The following ARB2A variants were observed in gnomAD, a reference collection of about 807,000 sequenced individuals.
ARB2A encodes ARB2 cotranscriptional regulator A, also known as cotranscriptional regulator ARB2A.
the ARB2A span, among the ~76,000 whole-genome samples, chr5:94,090,218 T>C: frequency 1.8e-4 from 28 of 152,206 alleles, no homozygotes; most frequent in African/African-American, 6.3e-4. Flanking sequence ...TGGTTTGTAG[T>C]TCTCCTTGAA....
chr5:93,793,726 C>T, the ARB2A span, among the ~76,000 whole-genome samples: 3 of 152,024 alleles, frequency 2.0e-5, no homozygotes, highest in African/African-American at 7.2e-5. Context: ...TCTAAGACAA[C>T]GTTTAGCATG....
the ARB2A span, among the ~76,000 whole-genome samples, chr5:93,769,789 T>A: frequency 6.6e-6 from 1 of 152,136 alleles, no homozygotes; most frequent in African/African-American, 2.4e-5. Context: ...ACAGTAAATG[T>A]CAATAAATAC....
At chr5:94,096,439 A>G in the ARB2A span, among the ~76,000 whole-genome samples, 1 of 152,140 alleles carries the variant, frequency 6.6e-6, no homozygotes, top group Non-Finnish European at 1.5e-5. Flanking sequence ...GTTTTCTTAT[A>G]CTTGATTACA....
the ARB2A span, among the ~76,000 whole-genome samples, chr5:94,088,343 TAA>T: frequency 6.6e-6 from 1 of 152,116 alleles, no homozygotes; most frequent in African/African-American, 2.4e-5. Context: ...AAACTTGACT[TAA>T]AAAATAATAA....
At chr5:93,806,694 A>G in the ARB2A span, among the ~76,000 whole-genome samples, 1 of 152,074 alleles carries the variant, frequency 6.6e-6, no homozygotes, top group Admixed American at 6.6e-5. Context: ...AACAAAAGAA[A>G]TATGATCTCT....
the ARB2A span, among the ~76,000 whole-genome samples, chr5:93,802,812 A>G: frequency 6.6e-6 from 1 of 152,126 alleles, no homozygotes; most frequent in Non-Finnish European, 1.5e-5. Context: ...AACTATTCAA[A>G]TTTAGAAAAA....
the ARB2A span, among the ~76,000 whole-genome samples, chr5:93,787,317 T>C: frequency 6.6e-6 from 1 of 152,326 alleles, no homozygotes; most frequent in Admixed American, 6.5e-5. Flanking sequence ...TATCAAGTGT[T>C]GGATAGAAGT....
chr5:94,061,174 C>T, the ARB2A span, among the ~76,000 whole-genome samples: 1 of 151,944 alleles, frequency 6.6e-6, no homozygotes, highest in Non-Finnish European at 1.5e-5. Flanking sequence ...GGAGGCAGAG[C>T]TTGCAATGAG....
chr5:93,861,789 C>T, the ARB2A span: 3 of 152,314 alleles, frequency 2.0e-5, no homozygotes, highest in Admixed American at 6.5e-5. Flanking sequence ...CATGATCTCA[C>T]CTGCTTTGTT....
chr5:93,800,110 C>T, the ARB2A span, among the ~76,000 whole-genome samples: 2 of 151,666 alleles, frequency 1.3e-5, no homozygotes, highest in Non-Finnish European at 2.9e-5. Context: ...AATTGAAGTA[C>T]CTATATAGGA....
chr5:94,042,956 C>A, the ARB2A span, among the ~76,000 whole-genome samples: 1 of 152,070 alleles, frequency 6.6e-6, no homozygotes, highest in African/African-American at 2.4e-5. Flanking sequence ...TCACTGTATG[C>A]CACAGAGATA....
At chr5:93,773,362 C>T in the ARB2A span, among the ~76,000 whole-genome samples, 3 of 152,266 alleles carry the variant, frequency 2.0e-5, no homozygotes, top group East Asian at 5.8e-4. Flanking sequence ...CAAAGGAAAA[C>T]GTAGTTGCTA....
At chr5:93,999,918 C>A in the ARB2A span, among the ~76,000 whole-genome samples, 1 of 152,042 alleles carries the variant, frequency 6.6e-6, no homozygotes, top group Admixed American at 6.6e-5. Context: ...CAGTAGGTAG[C>A]CTGTTCAATT....
the ARB2A span, among the ~76,000 whole-genome samples, chr5:94,032,289 T>C: frequency 2.6e-5 from 4 of 152,180 alleles, no homozygotes; most frequent in African/African-American, 9.7e-5. Flanking sequence ...TCTACTCGAC[T>C]ACTGGGGAGG....
the ARB2A span, among the ~76,000 whole-genome samples, chr5:93,666,757 A>G: frequency 6.6e-6 from 1 of 152,184 alleles, no homozygotes; most frequent in Non-Finnish European, 1.5e-5. Flanking sequence ...CCTACTTAAC[A>G]ATGCATATTC....
chr5:93,624,311 TG>T, the ARB2A span, among the ~76,000 whole-genome samples: 2 of 152,202 alleles, frequency 1.3e-5, no homozygotes, highest in African/African-American at 4.8e-5. Flanking sequence ...CATGGTTTTA[TG>T]GTTAAGGTCT....
At chr5:93,866,230 G>A in the ARB2A span, 1 of 984,986 alleles carries the variant, frequency 1.0e-6, no homozygotes, top group Non-Finnish European at 1.2e-6. Context: ...CCTCTGTGAA[G>A]TCAAAATAAA....
the ARB2A span, among the ~76,000 whole-genome samples, chr5:93,790,696 G>C: frequency 6.6e-6 from 1 of 152,170 alleles, no homozygotes; most frequent in Non-Finnish European, 1.5e-5. Context: ...GCAGTGCCAC[G>C]CTGGGGGAAA....
the ARB2A span, among the ~76,000 whole-genome samples, chr5:93,819,707 T>C: frequency 1.3e-5 from 2 of 152,198 alleles, no homozygotes. Context: ...TTATTTTAGT[T>C]CCATTTTCTC....
Sources: allele counts gnomAD v4.1 joint callset (sites outside exome capture counted in the v4.1 genomes callset), GRCh38; gene constraint gnomAD v4.1.1; transcripts MANE v1.5; gene names NCBI Gene and HGNC (gene_info 2026-07-23, HGNC 2026-07-21).